Variants in GNAQ observed in about 807,000 individuals in gnomAD.
The protein encoded by GNAQ is G protein subunit alpha q.
In GNAQ, 8 loss-of-function variants were observed where a neutral mutation model predicts 43.9. The ratio of observed to expected loss-of-function variants is 0.18; its 90% CI spans 0.11 to 0.33. GNAQ has a LOEUF of 0.33. Ranked by LOEUF, GNAQ falls within the 10% of genes least tolerant of loss-of-function variation. GNAQ has a pLI of 1.00. For missense variants in GNAQ, 158 were observed against 450.8 expected (o/e 0.35, Z 5.88); for synonymous variants, 155 against 170.7 (o/e 0.91, Z 0.71).
At chr9:77,781,083 T>C (rs756365600) in intron 5 of GNAQ, among the ~76,000 whole-genome samples, 4 of 151,984 alleles carry the variant, frequency 2.6e-5, no homozygotes, top group Non-Finnish European at 4.4e-5. Context: ...TTGTTTCCAT[T>C]GCTGCACAGA....
At chr9:77,723,275 T>G (rs1825347054) in intron 6 of GNAQ, among the ~76,000 whole-genome samples, 1 of 152,248 alleles carries the variant, frequency 6.6e-6, no homozygotes, top group Non-Finnish European at 1.5e-5. Flanking sequence ...AGATTTGTAC[T>G]CTTGTGCACT....
intron 1 of GNAQ, among the ~76,000 whole-genome samples, chr9:77,986,791 T>C (rs960199506): frequency 6.7e-6 from 1 of 148,250 alleles, no homozygotes; most frequent in African/African-American, 2.5e-5. Context: ...GAATGAGCCA[T>C]GGCACCTGGC....
chr9:77,791,537 T>C (rs1826574248), intron 5 of GNAQ, among the ~76,000 whole-genome samples: 2 of 152,192 alleles, frequency 1.3e-5, no homozygotes, highest in South Asian at 4.1e-4. Flanking sequence ...ACCCTGGGTA[T>C]TCTAGCCACT....
At chr9:77,870,239 C>T (rs932767757) in intron 2 of GNAQ, among the ~76,000 whole-genome samples, 13 of 150,104 alleles carry the variant, frequency 8.7e-5, no homozygotes, top group African/African-American at 2.5e-4. Flanking sequence ...TTTAGTTATG[C>T]GATATTGATA....
chr9:77,973,351 C>T (rs749115700), intron 1 of GNAQ, among the ~76,000 whole-genome samples: 1 of 152,144 alleles, frequency 6.6e-6, no homozygotes, highest in Non-Finnish European at 1.5e-5. Flanking sequence ...TATTTTTACA[C>T]GCAGCTGGTG....
At chr9:77,747,414 T>G (rs1825747807) in intron 5 of GNAQ, among the ~76,000 whole-genome samples, 1 of 152,108 alleles carries the variant, frequency 6.6e-6, no homozygotes, top group African/African-American at 2.4e-5. Context: ...CTTTTCATAC[T>G]GAAAAAGGTA....
At chr9:77,865,574 GGA>G (rs1321164620) in intron 2 of GNAQ, among the ~76,000 whole-genome samples, 1 of 152,202 alleles carries the variant, frequency 6.6e-6, no homozygotes. Context: ...TTTAATTGCT[GGA>G]GAGAGGTGGC....
At chr9:78,009,924 T>A (rs1823753561) in intron 1 of GNAQ, among the ~76,000 whole-genome samples, 2 of 152,176 alleles carry the variant, frequency 1.3e-5, no homozygotes, top group South Asian at 4.1e-4. Context: ...AGCAGTGCAA[T>A]GCTGTATCAA....
At chr9:77,971,681 T>C (rs1376904406) in intron 1 of GNAQ, among the ~76,000 whole-genome samples, 2 of 152,334 alleles carry the variant, frequency 1.3e-5, no homozygotes, top group East Asian at 1.9e-4. Context: ...TCATACTGAA[T>C]GGGCAAAAAC....
At chr9:77,798,425 A>G (rs1706845811) in intron 3 of GNAQ, among the ~76,000 whole-genome samples, 1 of 152,170 alleles carries the variant, frequency 6.6e-6, no homozygotes, top group Non-Finnish European at 1.5e-5. Flanking sequence ...ATCTTACATA[A>G]TCATAGTACA....
intron 5 of GNAQ, among the ~76,000 whole-genome samples, chr9:77,743,821 G>A (rs992047753): frequency 4.6e-5 from 7 of 152,180 alleles, no homozygotes; most frequent in Non-Finnish European, 5.9e-5. Flanking sequence ...GTTTGAATAA[G>A]TGATTAAGGA....
chr9:77,822,389 G>T (rs1827131563), intron 2 of GNAQ, among the ~76,000 whole-genome samples: 1 of 152,034 alleles, frequency 6.6e-6, no homozygotes, highest in African/African-American at 2.4e-5. Flanking sequence ...CTTCATTTCT[G>T]AGATCACATA....
intron 1 of GNAQ, among the ~76,000 whole-genome samples, chr9:77,938,067 T>C (rs548778161): frequency 2.6e-5 from 4 of 152,186 alleles, no homozygotes; most frequent in African/African-American, 4.8e-5. Flanking sequence ...GGGCCCCATA[T>C]ATAAAATGGT....
intron 2 of GNAQ, among the ~76,000 whole-genome samples, chr9:77,830,782 ATATGTTTCCATTGTGG>A (rs1827285682): frequency 6.6e-6 from 1 of 152,120 alleles, no homozygotes; most frequent in Non-Finnish European, 1.5e-5. Flanking sequence ...GGATATTTGG[ATATGTTTCCATTGTGG>A]TATGATTTTG....
chr9:77,775,981 T>C (rs1252556529), intron 5 of GNAQ, among the ~76,000 whole-genome samples: 2 of 152,002 alleles, frequency 1.3e-5, no homozygotes, highest in Non-Finnish European at 2.9e-5. Flanking sequence ...AGAGACAAAC[T>C]TATGGAATGG....
chr9:77,951,585 A>G (rs1227632828), intron 1 of GNAQ, among the ~76,000 whole-genome samples: 1 of 152,194 alleles, frequency 6.6e-6, no homozygotes, highest in African/African-American at 2.4e-5. Context: ...AAATGTAATC[A>G]TATAAATGGT....
chr9:77,941,809 C>T (rs932434292), intron 1 of GNAQ, among the ~76,000 whole-genome samples: 1 of 151,930 alleles, frequency 6.6e-6, no homozygotes. Context: ...CTAAATAAAA[C>T]TGTTGACAAT....
rs373943232 is a variant in GNAQ, at chr9:77,878,225, GT to G, written c.321+43935del. Among the ~76,000 whole-genome samples, 483 of 126,216 alleles carry G rather than the reference GT, an allele frequency of 3.8e-3. 1 individual carries two copies. The highest frequency in any genetic ancestry group is 8.4e-3 in the Middle Eastern group (2 of 238). The allele number at this position is 126,216 out of a possible 152,430, so 82.8% of individuals were successfully genotyped here. On this transcript the variant is annotated intron_variant, in intron 2 of 6. Coordinates refer to ENST00000286548, the MANE Select transcript of GNAQ (RefSeq NM_002072.5). Reference sequence around the variant, plus strand: ...CAAAAAAGTGGAAGAGGTATTTGGTGTTTTTTTTTTTTTTTTTGAAACCCTT... The same window carrying G: ...CAAAAAAGTGGAAGAGGTATTTGGTGTTTTTTTTTTTTTTTTGAAACCCTT...
chr9:77,859,611 A>G (rs1298137353), intron 2 of GNAQ, among the ~76,000 whole-genome samples: 1 of 152,230 alleles, frequency 6.6e-6, no homozygotes, highest in Non-Finnish European at 1.5e-5. Flanking sequence ...AAGCCCTGGT[A>G]ACCATAAGAC....
Sources: gnomAD v4.1 joint callset for allele counts (sites outside exome capture counted in the v4.1 genomes callset) on GRCh38, gnomAD v4.1.1 for gene constraint, MANE v1.5 for transcripts, NCBI Gene and HGNC (gene_info 2026-07-23, HGNC 2026-07-21) for gene names.